Variants in BRINP3 observed in about 807,000 individuals in gnomAD.
The protein encoded by BRINP3 is BMP/retinoic acid-inducible neural-specific protein 3.
BRINP3 carries 19 observed loss-of-function variants against 71.0 expected under a neutral mutation model. The observed-to-expected ratio is 0.27, with a 90% CI of 0.19 to 0.39. BRINP3 has a LOEUF of 0.39. Ranked by LOEUF, BRINP3 falls within the 10% of genes least tolerant of loss-of-function variation. The probability of loss-of-function intolerance (pLI) is 1.00; values close to 1 mark genes in which losing one functional copy is unlikely to be tolerated. For missense variants in BRINP3, 959 were observed against 940.8 expected (o/e 1.02, Z -0.25); for synonymous variants, 380 against 337.7 (o/e 1.13, Z -1.37).
intron 2 of BRINP3, among the ~76,000 whole-genome samples, chr1:190,294,934 C>G (rs760640086): frequency 6.6e-6 from 1 of 151,854 alleles, no homozygotes; most frequent in Non-Finnish European, 1.5e-5. Context: ...CCCTGGGTTT[C>G]TAGGCAAAGT....
At chr1:190,308,773 G>A (rs1665307700) in intron 2 of BRINP3, among the ~76,000 whole-genome samples, 1 of 151,820 alleles carries the variant, frequency 6.6e-6, no homozygotes, top group Non-Finnish European at 1.5e-5. Flanking sequence ...TATTAACAAA[G>A]GTTAGACTTT....
intron 2 of BRINP3, among the ~76,000 whole-genome samples, chr1:190,355,822 A>G (rs1168574941): frequency 3.3e-5 from 5 of 151,910 alleles, no homozygotes; most frequent in Non-Finnish European, 7.4e-5. Flanking sequence ...CAATCTTTAT[A>G]GAACTGACTT....
chr1:190,348,654 C>T (rs534694852), intron 2 of BRINP3, among the ~76,000 whole-genome samples: 209 of 152,232 alleles, frequency 1.4e-3, no homozygotes, highest in Non-Finnish European at 2.2e-3. Flanking sequence ...ATATTAAGCA[C>T]TTTTACATCT....
intron 2 of BRINP3, among the ~76,000 whole-genome samples, chr1:190,361,562 C>T (rs1384836441): frequency 6.6e-6 from 1 of 151,940 alleles, no homozygotes; most frequent in Non-Finnish European, 1.5e-5. Flanking sequence ...ATCACCACGC[C>T]CAGCTAATTT....
At chr1:190,270,767 C>T (rs753653105) in intron 3 of BRINP3, among the ~76,000 whole-genome samples, 1 of 151,386 alleles carries the variant, frequency 6.6e-6, no homozygotes, top group East Asian at 1.9e-4. Flanking sequence ...AAGTTCATAA[C>T]CAATACTATA....
intron 2 of BRINP3, among the ~76,000 whole-genome samples, 179 bp downstream of exon 2, chr1:190,454,476 A>G (rs1357908027): frequency 6.6e-6 from 1 of 152,188 alleles, no homozygotes. Context: ...TTTTTATCAT[A>G]ATATATTACA....
chr1:190,327,176 G>T (rs939194106), intron 2 of BRINP3, among the ~76,000 whole-genome samples: 49 of 150,828 alleles, frequency 3.2e-4, no homozygotes, highest in African/African-American at 1.2e-3. Context: ...TTAGACAGGC[G>T]TTTTGTTGGG....
intron 7 of BRINP3, among the ~76,000 whole-genome samples, chr1:190,124,356 A>C (rs76735822): frequency 0.019 from 2,819 of 152,154 alleles, 42 homozygotes; most frequent in Middle Eastern, 0.041. Context: ...GTGAGAAATA[A>C]ATTTCTCTCA....
In BRINP3 at chr1:190,262,367, C is replaced by T. The variant is rs151005451; in HGVS notation, c.618+2498G>A. Among the ~76,000 whole-genome samples the T allele has an allele frequency of 5.6e-3, 860 of 152,278 alleles. 7 individuals carry two copies. Among genetic ancestry groups the T allele is most frequent in the African/African-American group, 0.018 (761 of 41,564 alleles). ...TTGCTCTCCACTCTTTCCTATTCCC[C>T]GCTACCTCACCACCTCACGCTTGCA... On this transcript the variant is annotated intron_variant, in intron 4 of 7. Coordinates refer to ENST00000367462, the MANE Select transcript of BRINP3 (RefSeq NM_199051.3).
chr1:190,317,648 A>AG (rs1413898113), intron 2 of BRINP3, among the ~76,000 whole-genome samples: 8 of 151,612 alleles, frequency 5.3e-5, no homozygotes, highest in Admixed American at 3.3e-4. Flanking sequence ...TGAAAAAAAA[A>AG]TCACAATGAA....
chr1:190,340,474 G>A (rs1667583742), intron 2 of BRINP3, among the ~76,000 whole-genome samples: 1 of 151,640 alleles, frequency 6.6e-6, no homozygotes, highest in Non-Finnish European at 1.5e-5. Context: ...TCTCTCCATG[G>A]GTTTATTATG....
intron 2 of BRINP3, among the ~76,000 whole-genome samples, chr1:190,364,106 A>G (rs952534117): frequency 6.6e-6 from 1 of 152,192 alleles, no homozygotes; most frequent in African/African-American, 2.4e-5. Context: ...AAGATATTTC[A>G]AAAGAAATTT....
chr1:190,454,279 C>T (rs1228941046), intron 2 of BRINP3, among the ~76,000 whole-genome samples: 1 of 152,050 alleles, frequency 6.6e-6, no homozygotes, highest in Non-Finnish European at 1.5e-5. Flanking sequence ...ATACCATTTC[C>T]ATTTAGGCTG....
At chr1:190,124,296 G>T (rs1165094180) in intron 7 of BRINP3, among the ~76,000 whole-genome samples, 8 of 152,120 alleles carry the variant, frequency 5.3e-5, no homozygotes, top group Non-Finnish European at 4.4e-5. Context: ...ACATAACAAG[G>T]CGGCCCTCAC....
chr1:190,453,516 C>T (rs896000384), intron 2 of BRINP3, among the ~76,000 whole-genome samples: 4 of 151,904 alleles, frequency 2.6e-5, no homozygotes, highest in Non-Finnish European at 5.9e-5. Flanking sequence ...CACGCCCAGC[C>T]TCGTCATTTC....
At chr1:190,114,998 A>T (rs1653010051) in intron 7 of BRINP3, among the ~76,000 whole-genome samples, 1 of 152,094 alleles carries the variant, frequency 6.6e-6, no homozygotes, top group Non-Finnish European at 1.5e-5. Flanking sequence ...AGCCCTCTCG[A>T]TCATCCTTCC....
At chr1:190,278,500 A>C (rs2102925763) in intron 3 of BRINP3, among the ~76,000 whole-genome samples, 1 of 151,842 alleles carries the variant, frequency 6.6e-6, no homozygotes, top group South Asian at 2.1e-4. Context: ...AAAATTGCCA[A>C]AATCATTTCT....
intron 1 of BRINP3, among the ~76,000 whole-genome samples, chr1:190,471,012 A>G (rs1313843376): frequency 6.6e-6 from 1 of 151,170 alleles, no homozygotes; most frequent in Admixed American, 6.6e-5. Flanking sequence ...AAAGGCTTAT[A>G]AAGTAAGCTT....
chr1:190,131,301 G>A (rs980898437), intron 7 of BRINP3, among the ~76,000 whole-genome samples: 1 of 151,450 alleles, frequency 6.6e-6, no homozygotes, highest in Non-Finnish European at 1.5e-5. Flanking sequence ...ATCGACACTG[G>A]GTGGATATTC....
Sources: allele counts gnomAD v4.1 joint callset (sites outside exome capture counted in the v4.1 genomes callset), GRCh38; gene constraint gnomAD v4.1.1; transcripts MANE v1.5; gene names NCBI Gene and HGNC (gene_info 2026-07-23, HGNC 2026-07-21).